SLC14A2: variants seen among roughly 807,000 people sequenced by gnomAD.
SLC14A2 encodes urea transporter 2.
In SLC14A2, 91 loss-of-function variants were observed where a neutral mutation model predicts 104.6. That is an observed-to-expected ratio of 0.87 (90% CI 0.73 to 1.04). SLC14A2 has a LOEUF of 1.04. Among genes scored for constraint, SLC14A2 ranks in the 50% least tolerant of loss-of-function variants. The pLI, the probability that SLC14A2 is intolerant of heterozygous loss-of-function variation, is 0.00. For missense variants in SLC14A2, 1,189 were observed against 1,156.0 expected (o/e 1.03, Z -0.41); for synonymous variants, 476 against 466.4 (o/e 1.02, Z -0.27).
chr18:45,417,042 T>C (rs2086285355), intron 1 of SLC14A2, among the ~76,000 whole-genome samples: 1 of 152,090 alleles, frequency 6.6e-6, no homozygotes, highest in Admixed American at 6.5e-5. Context: ...AGAAAATAAT[T>C]ACATCACAAG....
chr18:45,368,997 G>C (rs907242766), intron 1 of SLC14A2, among the ~76,000 whole-genome samples: 36 of 152,158 alleles, frequency 2.4e-4, no homozygotes, highest in African/African-American at 8.4e-4. Flanking sequence ...CTAGGATGTT[G>C]TAATGGGGAT....
At chr18:45,270,502 T>C (rs992034337) in intron 1 of SLC14A2, among the ~76,000 whole-genome samples, 3 of 152,046 alleles carry the variant, frequency 2.0e-5, no homozygotes, top group African/African-American at 7.2e-5. Flanking sequence ...TTCTAAAACT[T>C]TATTTTATAG....
chr18:45,374,086 T>C (rs1442464773), intron 1 of SLC14A2, among the ~76,000 whole-genome samples: 2 of 152,200 alleles, frequency 1.3e-5, no homozygotes, highest in Admixed American at 6.5e-5. Flanking sequence ...ATCCTGTTGC[T>C]TTCTTCCCTC....
chr18:45,271,200 C>A (rs1215004224), intron 1 of SLC14A2, among the ~76,000 whole-genome samples: 1 of 152,146 alleles, frequency 6.6e-6, no homozygotes, highest in Non-Finnish European at 1.5e-5. Context: ...AAAAGTAATT[C>A]TTATCTGAGC....
At chr18:45,185,147 A>G in the SLC14A2 span, among the ~76,000 whole-genome samples, 1 of 152,184 alleles carries the variant, frequency 6.6e-6, no homozygotes, top group African/African-American at 2.4e-5. Context: ...TCACACTTGA[A>G]CCACTTAGTG....
chr18:45,633,609 C>T (rs1436517857), intron 5 of SLC14A2, among the ~76,000 whole-genome samples: 1 of 152,176 alleles, frequency 6.6e-6, no homozygotes, highest in African/African-American at 2.4e-5. Context: ...TCCCCCAGAC[C>T]CTGACTTCAC....
chr18:45,624,624 C>T lies in SLC14A2; in HGVS notation c.-34-7C>T, dbSNP rs769442957. The T allele has an allele frequency of 1.3e-5, 20 of 1,580,604 alleles. No homozygotes were observed. Among genetic ancestry groups the T allele is most frequent in the African/African-American group, 2.7e-5 (2 of 74,222 alleles). The stretch of plus-strand genomic sequence containing the variant: ...CTCACTAGCTCTTTCCCTTTCCTTC[C>T]GTCTAGTCCATCGATAGAAGAGTGG... On this transcript the variant is annotated splice_region_variant and splice_polypyrimidine_tract_variant and intron_variant, in intron 1 of 19. Transcript: ENST00000255226.
intron 1 of SLC14A2, among the ~76,000 whole-genome samples, chr18:45,242,798 C>T (rs28524101): frequency 2.6e-5 from 4 of 152,184 alleles, no homozygotes; most frequent in African/African-American, 9.7e-5. Context: ...GATGTTGCAA[C>T]AAGTCACCTG....
At chr18:45,187,221 G>A in the SLC14A2 span, among the ~76,000 whole-genome samples, 1 of 152,100 alleles carries the variant, frequency 6.6e-6, no homozygotes, top group African/African-American at 2.4e-5. Flanking sequence ...GGATCAATCA[G>A]GGAGAACCAC....
Position 45,343,370 on chromosome 18 carries a change from G to A in SLC14A2, c.-125+130179G>A, listed in dbSNP as rs34085439. ...CAGAGGTAACCAATGCTAGGGCGTCGGGGTGCTGCATGATGGTCCCCTTGT... is the reference window on the plus strand; with the variant it reads ...CAGAGGTAACCAATGCTAGGGCGTCAGGGTGCTGCATGATGGTCCCCTTGT... On this transcript the variant is annotated intron_variant, in intron 1 of 20. Transcript: ENST00000586448. Among the ~76,000 whole-genome samples, 575 of 152,010 alleles carry A rather than the reference G, an allele frequency of 3.8e-3. 1 individual carries two copies. In the Middle Eastern group the frequency reaches 0.041, roughly 11 times the overall value.
intron 11 of SLC14A2, among the ~76,000 whole-genome samples, chr18:45,664,403 G>A (rs937541260): frequency 6.6e-6 from 1 of 152,234 alleles, no homozygotes; most frequent in Non-Finnish European, 1.5e-5. Flanking sequence ...GGCCGCTAAA[G>A]CTGAACAAGT....
intron 1 of SLC14A2, among the ~76,000 whole-genome samples, chr18:45,332,200 A>C (rs762875983): frequency 2.0e-5 from 3 of 152,196 alleles, no homozygotes; most frequent in African/African-American, 7.2e-5. Context: ...TTTCAAATAC[A>C]GTTGGCCCTC....
At chr18:45,469,445 G>A (rs978760678) in intron 1 of SLC14A2, among the ~76,000 whole-genome samples, 8 of 152,206 alleles carry the variant, frequency 5.3e-5, no homozygotes, top group Admixed American at 2.0e-4. Flanking sequence ...GAGGAGCTCA[G>A]GGATACAGGG....
chr18:45,672,113 A>G (rs2046149923), intron 16 of SLC14A2, among the ~76,000 whole-genome samples: 1 of 152,220 alleles, frequency 6.6e-6, no homozygotes, highest in African/African-American at 2.4e-5. Context: ...TCCTGTAGAT[A>G]CTAGTCGAGT....
At chr18:45,535,669 G>T (rs1288858535) in intron 2 of SLC14A2, among the ~76,000 whole-genome samples, 1 of 152,154 alleles carries the variant, frequency 6.6e-6, no homozygotes, top group Non-Finnish European at 1.5e-5. Context: ...TGAGCAAAAG[G>T]CCTGATGTTC....
intron 1 of SLC14A2, among the ~76,000 whole-genome samples, chr18:45,411,960 T>C (rs1005597178): frequency 6.6e-6 from 1 of 152,158 alleles, no homozygotes; most frequent in Non-Finnish European, 1.5e-5. Context: ...CATGAACACA[T>C]GCACTCCCAA....
chr18:45,208,855 T>TC (rs2083936828), upstream of SLC14A2, among the ~76,000 whole-genome samples: 1 of 151,758 alleles, frequency 6.6e-6, no homozygotes, highest in South Asian at 2.1e-4. Context: ...TATGGTAGTA[T>TC]TATGGAATGA....
chr18:45,484,784 TTC>T (rs1396792985), intron 2 of SLC14A2, among the ~76,000 whole-genome samples: 8 of 147,864 alleles, frequency 5.4e-5, no homozygotes, highest in Non-Finnish European at 4.6e-5. Flanking sequence ...TGGTTGGTTT[TTC>T]TTTTTTTGAG....
chr18:45,217,553 C>G (rs67388379), intron 1 of SLC14A2, among the ~76,000 whole-genome samples: 16,205 of 151,988 alleles, frequency 0.11, 909 homozygotes, highest in African/African-American at 0.14. Flanking sequence ...GGTTCTCAAT[C>G]AGATTTCATA....
Sources: allele counts gnomAD v4.1 joint callset (sites outside exome capture counted in the v4.1 genomes callset), GRCh38; gene constraint gnomAD v4.1.1; transcripts MANE v1.5; gene names NCBI Gene and HGNC (gene_info 2026-07-23, HGNC 2026-07-21).